Variants in GRIA2 observed in about 807,000 individuals in gnomAD.
The protein encoded by GRIA2 is glutamate ionotropic receptor AMPA type subunit 2.
Under a neutral mutation model 97.3 loss-of-function variants are expected in GRIA2, and 14 were observed. That is an observed-to-expected ratio of 0.14 (90% CI 0.10 to 0.23). The LOEUF is 0.23. Ranked by LOEUF, GRIA2 falls within the 10% of genes least tolerant of loss-of-function variation. The pLI is 1.00. For synonymous variants in GRIA2, 412 were observed against 387.8 expected (o/e 1.06, Z -0.73); for missense variants, 558 against 1,069.8 (o/e 0.52, Z 6.67).
intron 3 of GRIA2, among the ~76,000 whole-genome samples, chr4:157,312,120 G>A (rs1410307940): frequency 2.0e-5 from 3 of 151,780 alleles, no homozygotes; most frequent in Non-Finnish European, 4.4e-5. Context: ...ACAGAAGACT[G>A]TGGAAGGAAA....
rs575418041 is a variant in GRIA2, at chr4:157,336,742, G to A, written c.1839G>A (p.Ser613=). 218 of 1,609,664 alleles carry A rather than the reference G, an allele frequency of 1.4e-4. No homozygotes were observed. In the South Asian group the frequency reaches 2.1e-3, roughly 15 times the overall value. Residue 613 remains serine, a synonymous_variant, in exon 11 of 16, where the codon TCG becomes TCA. Coordinates refer to ENST00000264426, the MANE Select transcript of GRIA2 (RefSeq NM_001083619.3). ...GAFMQQGCDI[S]PRSLSGRIVG... ...TTATGCAGCAAGGATGCGATATTTC[G>A]CCAAGGTTGGTTACTCACCTGCTTC...
chr4:157,227,106 A>G (rs1729782771), intron 2 of GRIA2, among the ~76,000 whole-genome samples: 1 of 152,160 alleles, frequency 6.6e-6, no homozygotes, highest in Admixed American at 6.5e-5. Context: ...AATAAAAATT[A>G]CCTTATGAAA....
Position 157,315,153 on chromosome 4 carries a change from C to T in GRIA2, c.666+2278C>T, listed in dbSNP as rs555049126. Among the ~76,000 whole-genome samples the T allele has an allele frequency of 3.9e-5, 6 of 152,306 alleles. No individual in the cohort carries two copies. The South Asian group carries it at 1.2e-3, about 32-fold the overall frequency. The stretch of plus-strand genomic sequence containing the variant: ...GTGTCTAATGTTTGCCAGGCAGGCA[C>T]TGCAGTAGATCCAAGGAAGCAATGT... On this transcript the variant is annotated intron_variant, in intron 4 of 15. Transcript: ENST00000264426.
intron 2 of GRIA2, among the ~76,000 whole-genome samples, chr4:157,227,765 T>G (rs1434570296): frequency 6.6e-6 from 1 of 152,130 alleles, no homozygotes; most frequent in Non-Finnish European, 1.5e-5. Flanking sequence ...TAAATAAAAA[T>G]TTCTCAGGTT....
At chr4:157,293,927 T>C (rs1190020425) in intron 2 of GRIA2, among the ~76,000 whole-genome samples, 3 of 152,100 alleles carry the variant, frequency 2.0e-5, no homozygotes, top group Non-Finnish European at 2.9e-5. Flanking sequence ...AATTTAGAGA[T>C]GAATGCTAAT....
chr4:157,355,752 A>ATT (rs1736251206), intron 12 of GRIA2, among the ~76,000 whole-genome samples: 2 of 42,824 alleles, frequency 4.7e-5, no homozygotes, highest in Non-Finnish European at 8.2e-5. Flanking sequence ...TTATATATTT[A>ATT]CATATATTAG....
At chr4:157,355,939 A>ATAT in intron 12 of GRIA2, among the ~76,000 whole-genome samples, 1 of 35,462 alleles carries the variant, frequency 2.8e-5, no homozygotes, top group Non-Finnish European at 4.6e-5. Context: ...ATATTTATAT[A>ATAT]TTAATATATA....
intron 4 of GRIA2, among the ~76,000 whole-genome samples, chr4:157,315,761 G>C (rs975196149): frequency 6.6e-6 from 1 of 151,896 alleles, no homozygotes; most frequent in African/African-American, 2.4e-5. Context: ...GGATGGTCTC[G>C]AACTCCTGAC....
chr4:157,261,193 G>A (rs1209932499), intron 2 of GRIA2, among the ~76,000 whole-genome samples: 1 of 152,040 alleles, frequency 6.6e-6, no homozygotes, highest in Non-Finnish European at 1.5e-5. Flanking sequence ...ATGGCGGCAG[G>A]CAATAGAGCT....
chr4:157,238,190 T>C (rs953776480), intron 2 of GRIA2, among the ~76,000 whole-genome samples: 4 of 152,154 alleles, frequency 2.6e-5, no homozygotes, highest in African/African-American at 9.7e-5. Context: ...ACTGGAATAC[T>C]AAATAAAATT....
rs1475527416 is a variant in GRIA2 at position 157,312,910 on chromosome 4, A to G, written c.666+35A>G. Reference sequence around the variant, plus strand: ...TTTCTGTTTTCTAATGATGCCAGATATAGAATATGCATGCAATGTCAGCAT... The same window carrying G: ...TTTCTGTTTTCTAATGATGCCAGATGTAGAATATGCATGCAATGTCAGCAT... On this transcript the variant is annotated intron_variant, in intron 4 of 15. Coordinates refer to ENST00000264426, the MANE Select transcript of GRIA2 (RefSeq NM_001083619.3). 2.4e-6 allele frequency: 3 copies of G among 1,228,428 alleles called. No individual in the cohort carries two copies. In the East Asian group the frequency reaches 7.3e-5, roughly 30 times the overall value. 76.1% of individuals were successfully genotyped at this position (1,228,428 alleles called of 1,614,324 possible).
chr4:157,229,931 T>G (rs1729924042), intron 2 of GRIA2, among the ~76,000 whole-genome samples: 1 of 152,194 alleles, frequency 6.6e-6, no homozygotes, highest in South Asian at 2.1e-4. Flanking sequence ...AGTCTAATCT[T>G]CCTAAGTACC....
intron 2 of GRIA2, among the ~76,000 whole-genome samples, chr4:157,283,260 A>G (rs1053077720): frequency 2.6e-5 from 4 of 151,964 alleles, no homozygotes. Flanking sequence ...TTAGCAAAAT[A>G]AAGTTTGAGA....
At chr4:157,232,234 A>G (rs1469880383) in intron 2 of GRIA2, among the ~76,000 whole-genome samples, 1 of 152,204 alleles carries the variant, frequency 6.6e-6, no homozygotes, top group Non-Finnish European at 1.5e-5. Context: ...TGATCCAGGT[A>G]GCACAGAAAT....
intron 3 of GRIA2, among the ~76,000 whole-genome samples, chr4:157,311,020 T>C (rs763949282): frequency 2.0e-5 from 3 of 152,036 alleles, no homozygotes; most frequent in Admixed American, 2.0e-4. Flanking sequence ...TTACCAGTAG[T>C]TGATGTTTGT....
chr4:157,235,263 C>A (rs905889977), intron 2 of GRIA2, among the ~76,000 whole-genome samples: 1 of 152,018 alleles, frequency 6.6e-6, no homozygotes, highest in Non-Finnish European at 1.5e-5. Context: ...CTTTCTTAAA[C>A]TTTTAGTAGA....
At chr4:157,328,433 G>A (rs1375791667) in intron 6 of GRIA2, among the ~76,000 whole-genome samples, 2 of 152,072 alleles carry the variant, frequency 1.3e-5, no homozygotes, top group African/African-American at 4.8e-5. Flanking sequence ...TGATCTCCAG[G>A]TGCCGAAACT....
At chr4:157,338,059 T>TATTTA (rs70958819) in intron 11 of GRIA2, among the ~76,000 whole-genome samples, 2 of 110,400 alleles carry the variant, frequency 1.8e-5, no homozygotes, top group South Asian at 6.6e-4. Context: ...TACACACACA[T>TATTTA]TTTTTTTATC....
upstream of GRIA2, chr4:157,220,243 G>A (rs1729424970): frequency 6.6e-6 from 1 of 152,302 alleles, no homozygotes; most frequent in African/African-American, 2.4e-5. Flanking sequence ...AGCAGGGCCT[G>A]GTGAGAGGAC....
Sources: allele counts gnomAD v4.1 joint callset (sites outside exome capture counted in the v4.1 genomes callset), GRCh38; gene constraint gnomAD v4.1.1; transcripts MANE v1.5; gene names NCBI Gene and HGNC (gene_info 2026-07-23, HGNC 2026-07-21).